Variants in STRN3 observed in about 807,000 individuals in gnomAD.
STRN3 encodes the protein striatin 3.
STRN3 carries 29 observed loss-of-function variants against 95.6 expected under a neutral mutation model. The observed-to-expected ratio is 0.30, with a 90% CI of 0.23 to 0.41. STRN3 has a LOEUF of 0.41. Ranked by LOEUF, STRN3 falls within the 10% of genes least tolerant of loss-of-function variation. The pLI is 1.00. For synonymous variants in STRN3, 331 were observed against 357.6 expected (o/e 0.93, Z 0.84); for missense variants, 890 against 972.1 (o/e 0.92, Z 1.12).
Position 30,911,138 on chromosome 14 carries a change from A to C in STRN3, c.1623T>G (p.Ile541Met), listed in dbSNP as rs750370826. The C allele has an allele frequency of 1.9e-6, 3 of 1,613,956 alleles. No individual in the cohort carries two copies. Among genetic ancestry groups the C allele is most frequent in the Non-Finnish European group, 1.7e-6 (2 of 1,179,978 alleles). The change falls in exon 13 of 18, where the codon ATT (isoleucine) becomes ATG (methionine). Residue 541 changes from isoleucine to methionine, a missense_variant. Around this residue, in one of 3 missense-constraint regions of STRN3, gnomAD observed 357 missense variants for 422.8 expected, o/e 0.84. Transcript: ENST00000357479. The stretch of plus-strand genomic sequence containing the variant: ...TAAAACACTGTTCTCCATTAGAACT[A>C]ATAGCTAATGACAGAACAGGGCCGC... ...AHIGPVLSLA[I>M]SSNGEQCFSG...
At chr14:30,908,548 C>G (rs772537560) in intron 13 of STRN3, among the ~76,000 whole-genome samples, 94 of 152,176 alleles carry the variant, frequency 6.2e-4, no homozygotes, top group Non-Finnish European at 2.8e-4. Context: ...CCTGGGTGAC[C>G]TGCTAGTCAC....
chr14:31,013,895 T>TATTTGAGACAGAGTGTC (rs1555327151), intron 1 of STRN3, among the ~76,000 whole-genome samples: 4 of 145,398 alleles, frequency 2.8e-5, no homozygotes, highest in African/African-American at 5.0e-5. Context: ...TTATTATTAT[T>TATTTGAGACAGAGTGTC]ATTATTATTA....
At chr14:30,911,217 A>C in intron 12 of STRN3, 55 bp from the exon 13 acceptor site, 1 of 1,548,790 alleles carries the variant, frequency 6.5e-7, no homozygotes, top group Non-Finnish European at 8.7e-7. Context: ...GAAGAAACTC[A>C]AATCTCCATT....
At chr14:30,968,034 A>G (rs1880621680) in intron 1 of STRN3, among the ~76,000 whole-genome samples, 1 of 152,212 alleles carries the variant, frequency 6.6e-6, no homozygotes. Flanking sequence ...ATTTGCACTC[A>G]GCCAAGCCTT....
chr14:30,907,177 T>C, intron 13 of STRN3, 133 bp from the exon 14 acceptor site: 1 of 947,294 alleles, frequency 1.1e-6, no homozygotes, highest in Non-Finnish European at 1.5e-6. Flanking sequence ...AACTAAAGTG[T>C]ACATAGTGGC....
At chr14:30,916,235 T>C (rs1330067502) in intron 9 of STRN3, among the ~76,000 whole-genome samples, 1 of 152,008 alleles carries the variant, frequency 6.6e-6, no homozygotes, top group Non-Finnish European at 1.5e-5. Flanking sequence ...AAAAATGTCA[T>C]TAGTAATTCA....
intron 1 of STRN3, among the ~76,000 whole-genome samples, chr14:31,008,454 G>A (rs115503153): frequency 0.033 from 5,031 of 152,188 alleles, 294 homozygotes; most frequent in African/African-American, 0.12. Flanking sequence ...ACTGCAGTGA[G>A]CCATGATTAC....
intron 5 of STRN3, among the ~76,000 whole-genome samples, chr14:30,946,786 T>C (rs1453704347): frequency 1.3e-5 from 2 of 152,118 alleles, no homozygotes; most frequent in Non-Finnish European, 2.9e-5. Context: ...GCAACCAGCC[T>C]GGCCAACGTG....
At chr14:30,932,100 CTA>C (rs1878568022) in intron 7 of STRN3, 1 of 152,160 alleles carries the variant, frequency 6.6e-6, no homozygotes, top group Non-Finnish European at 1.5e-5. Context: ...AAACCTGTCT[CTA>C]TTAAAAATAC....
At chr14:30,904,476 A>ATTAT (rs1896407757) in intron 15 of STRN3, among the ~76,000 whole-genome samples, 1 of 152,212 alleles carries the variant, frequency 6.6e-6, no homozygotes, top group African/African-American at 2.4e-5. Context: ...AAACCAACTC[A>ATTAT]TTATTTTAAA....
intron 1 of STRN3, among the ~76,000 whole-genome samples, chr14:30,993,718 C>T (rs904645616): frequency 5.3e-5 from 8 of 152,030 alleles, no homozygotes; most frequent in Admixed American, 2.0e-4. Context: ...TCACTCTTGT[C>T]GCCCAGGCTG....
At chr14:30,992,785 G>A (rs780996777) in intron 1 of STRN3, among the ~76,000 whole-genome samples, 3 of 151,956 alleles carry the variant, frequency 2.0e-5, no homozygotes, top group Non-Finnish European at 2.9e-5. Flanking sequence ...AGGCCAAGGC[G>A]GTAAGATTGT....
intron 1 of STRN3, among the ~76,000 whole-genome samples, chr14:31,024,445 T>C (rs1883680660): frequency 6.6e-6 from 1 of 152,364 alleles, no homozygotes; most frequent in South Asian, 2.1e-4. Flanking sequence ...TAAACCAGTT[T>C]TGACTTCAGC....
At chr14:30,989,182 C>G (rs1221532433) in intron 1 of STRN3, among the ~76,000 whole-genome samples, 1 of 152,196 alleles carries the variant, frequency 6.6e-6, no homozygotes, top group Non-Finnish European at 1.5e-5. Context: ...CTTTGGCCCA[C>G]TAAGCAATCA....
intron 1 of STRN3, among the ~76,000 whole-genome samples, chr14:30,985,603 CAA>C (rs55771151): frequency 2.7e-5 from 4 of 150,840 alleles, no homozygotes; most frequent in African/African-American, 7.3e-5. Flanking sequence ...AACTCCATCT[CAA>C]AAAAAAAAAT....
At chr14:30,933,301 A>AAAC (rs1878645757) in intron 7 of STRN3, among the ~76,000 whole-genome samples, 2 of 150,638 alleles carry the variant, frequency 1.3e-5, no homozygotes, top group Non-Finnish European at 3.0e-5. Context: ...AAAAAAAAAA[A>AAAC]AAAACGATGC....
rs750381318 is a variant in STRN3 at position 30,894,899 on chromosome 14, T to C, written c.*512A>G. Reference sequence around the variant, plus strand: ...TAAGTTAAATTTTCTTTTTCTTTTTTTTTTTTTTTAAAGCAAAATAAGTTT... The same window carrying C: ...TAAGTTAAATTTTCTTTTTCTTTTTCTTTTTTTTTAAAGCAAAATAAGTTT... On this transcript the variant is annotated 3_prime_UTR_variant, in exon 18 of 18. Coordinates refer to ENST00000357479, the MANE Select transcript of STRN3 (RefSeq NM_001083893.2). 12 of 1,053,302 alleles carry C rather than the reference T, an allele frequency of 1.1e-5. No homozygotes were observed. Among genetic ancestry groups the C allele is most frequent in the East Asian group, 6.6e-5 (1 of 15,080 alleles). The allele number at this position is 1,053,302 out of a possible 1,614,324, so 65.2% of individuals were successfully genotyped here. A position where few individuals can be genotyped will look rare whatever the true frequency, so the allele number is the denominator to read the frequency against.
At chr14:30,917,859 C>T (rs1032436219) in intron 9 of STRN3, among the ~76,000 whole-genome samples, 2 of 151,976 alleles carry the variant, frequency 1.3e-5, no homozygotes, top group Non-Finnish European at 2.9e-5. Context: ...CAAACAAATC[C>T]CCTTTACAGA....
chr14:31,019,888 T>C (rs1296238119), intron 1 of STRN3, among the ~76,000 whole-genome samples: 1 of 148,444 alleles, frequency 6.7e-6, no homozygotes, highest in Non-Finnish European at 1.5e-5. Flanking sequence ...CTCATTTTCT[T>C]TTTTTTTTTT....
Sources: gnomAD v4.1 joint callset for allele counts (sites outside exome capture counted in the v4.1 genomes callset) on GRCh38, gnomAD v4.1.1 for gene constraint, gnomAD v4.1.1 regional missense constraint, MANE v1.5 for transcripts, NCBI Gene and HGNC (gene_info 2026-07-23, HGNC 2026-07-21) for gene names.